The following RTEL1 variants were observed in gnomAD, a reference collection of about 807,000 sequenced individuals.
RTEL1 encodes the protein regulator of telomere length.
In RTEL1, 86 loss-of-function variants were observed where a neutral mutation model predicts 162.2. That is an observed-to-expected ratio of 0.53 (90% CI 0.45 to 0.63). The LOEUF (loss-of-function observed/expected upper bound fraction) is 0.63, where lower values mean the gene tolerates loss of function less well. RTEL1 is among the 30% of genes least tolerant of loss of function. The pLI is 0.00. For missense variants in RTEL1, 1,941 were observed against 1,750.2 expected (o/e 1.11, Z -1.95); for synonymous variants, 958 against 717.9 (o/e 1.33, Z -5.35).
chr20:63,666,345 G>A (rs993068764), intron 7 of RTEL1, among the ~76,000 whole-genome samples: 7 of 152,248 alleles, frequency 4.6e-5, no homozygotes, highest in Non-Finnish European at 7.3e-5. Context: ...GCGGAAGCAC[G>A]CGCAGTTTTG....
rs2090447523 is a variant in RTEL1, at chr20:63,679,921, C to T, written c.1110C>T (p.Asp370=). The T allele has an allele frequency of 1.2e-6, 2 of 1,612,344 alleles. No homozygotes were observed. The highest frequency in any genetic ancestry group is 2.7e-5 in the African/African-American group (2 of 75,030). Reference sequence around the variant, plus strand: ...AGGGCTGCATCCTGGACTCGCTGGACCAGATCATCCAGCACCTGGCAGGAC... The same window carrying T: ...AGGGCTGCATCCTGGACTCGCTGGATCAGATCATCCAGCACCTGGCAGGAC... The part of the protein sequence containing the change: ...QTKGCILDSL[D]QIIQHLAGRA... The change falls in exon 13 of 35, where the codon GAC becomes GAT. Residue 370 remains aspartate, a synonymous_variant. Transcript: ENST00000360203.
chr20:63,694,321 A>C, intron 30 of RTEL1, 51 bp from the exon 31 acceptor site: 30 of 544,570 alleles, frequency 5.5e-5, no homozygotes, highest in Non-Finnish European at 7.7e-5. Context: ...CACCCCAGGG[A>C]ACTTTCCAGA....
chr20:63,689,571 C>T lies in RTEL1; in HGVS notation c.1948C>T (p.Pro650Ser), dbSNP rs768489017. The change falls in exon 23 of 35, where the codon CCA (proline) becomes TCA (serine). Residue 650 changes from proline to serine, a missense_variant. Physicochemically the swap from Pro to Ser is moderately conservative, Grantham distance 74. Transcript: ENST00000360203. Reference sequence around the variant, plus strand: ...GATTGTCACGGGCCTCCCGTACCCCCCACGCATGGACCCCCGGGTTGTCCT... The same window carrying T: ...GATTGTCACGGGCCTCCCGTACCCCTCACGCATGGACCCCCGGGTTGTCCT... ...GVIVTGLPYP[P>S]RMDPRVVLKM... The T allele has an allele frequency of 3.1e-6, 5 of 1,612,256 alleles. No individual in the cohort carries two copies. The Admixed American group carries it at 8.3e-5, about 27-fold the overall frequency.
Position 63,689,056 on chromosome 20 carries a change from C to T in RTEL1, c.1802C>T (p.Thr601Ile), listed in dbSNP as rs948832357. 23 of 1,610,786 alleles carry T rather than the reference C, an allele frequency of 1.4e-5. No individual in the cohort carries two copies. Among genetic ancestry groups the T allele is most frequent in the Non-Finnish European group, 1.9e-5 (22 of 1,179,706 alleles). ...EPRSKGSFSE[T>I]ISAYYARVAA... ...CAGCCTCACCAACTTTCCTTCCAGA[C>T]CATCAGTGCTTACTATGCAAGGGTT... Residue 601 changes from threonine to isoleucine, a missense_variant and splice_region_variant, in exon 22 of 35, where the codon ACC becomes ATC. Thr to Ile is a moderately conservative substitution (Grantham distance 89, BLOSUM62 -1). Transcript: ENST00000360203.
intron 8 of RTEL1, among the ~76,000 whole-genome samples, chr20:63,668,000 GC>G (rs2090170644): frequency 1.4e-5 from 2 of 146,650 alleles, no homozygotes; most frequent in Admixed American, 1.4e-4. Flanking sequence ...TGCATGCCCG[GC>G]CCCACACTCA....
intron 2 of RTEL1, chr20:63,660,684 G>A (rs146688825): frequency 4.5e-4 from 69 of 154,580 alleles, no homozygotes; most frequent in South Asian, 1.2e-3. Flanking sequence ...AGTCCTTGAG[G>A]GTGACAGACT....
At chr20:63,685,657 G>T in intron 15 of RTEL1, 60 bp downstream of exon 15, 1 of 1,591,934 alleles carries the variant, frequency 6.3e-7, no homozygotes, top group Non-Finnish European at 8.5e-7. Flanking sequence ...CAGGGCTGGG[G>T]GCCTTACAGT....
At chr20:63,666,170 T>C in intron 7 of RTEL1, 91 bp downstream of exon 7, 1 of 1,021,550 alleles carries the variant, frequency 9.8e-7, no homozygotes, top group Non-Finnish European at 1.5e-6. Context: ...TCTTCACTTT[T>C]CTTTGTTCCT....
rs190196668 is a variant in RTEL1 at position 63,660,433 on chromosome 20, C to T, written c.103-865C>T. ...TATCGAGACTGGAGAATGGCGATGA[C>T]TTTTACCAAGCATACTGCCTGTAAA... On this transcript the variant is annotated intron_variant, in intron 2 of 34. Coordinates refer to ENST00000360203, the MANE Select transcript of RTEL1 (RefSeq NM_001283009.2). Among the ~76,000 whole-genome samples the T allele has an allele frequency of 1.4e-3, 210 of 152,350 alleles. 2 individuals carry two copies. Among genetic ancestry groups the T allele is most frequent in the Non-Finnish European group, 1.8e-3 (124 of 68,036 alleles).
At chr20:63,672,945 C>T (rs912246992) in intron 9 of RTEL1, among the ~76,000 whole-genome samples, 2 of 152,184 alleles carry the variant, frequency 1.3e-5, no homozygotes, top group African/African-American at 4.8e-5. Context: ...CAGCAGCAGG[C>T]TTGTGGTCTT....
intron 4 of RTEL1, 108 bp downstream of exon 4, chr20:63,662,051 T>C (rs2090030708): frequency 1.1e-6 from 1 of 903,042 alleles, no homozygotes; most frequent in African/African-American, 1.7e-5. Context: ...TGGTGGTCTT[T>C]CTAGACGCTC....
rs1326225116 is a variant in RTEL1 at position 63,695,883 on chromosome 20, C to T, written c.*25C>T. On this transcript the variant is annotated 3_prime_UTR_variant, in exon 35 of 35. Transcript: ENST00000360203. ...AGTGCCCACGGAGGCCCCCAGCACA[C>T]CCAACGTGGCTTGATCACCTGCCTG... The T allele has an allele frequency of 5.8e-6, 9 of 1,556,224 alleles. No homozygotes were observed. The highest frequency in any genetic ancestry group is 7.0e-6 in the Non-Finnish European group (8 of 1,150,864).
intron 27 of RTEL1, 104 bp downstream of exon 27, chr20:63,691,051 T>G: frequency 1.6e-6 from 2 of 1,217,368 alleles, no homozygotes; most frequent in Non-Finnish European, 2.2e-6. Context: ...CCCCTGTAAA[T>G]CCCCTGCCTG....
At chr20:63,678,023 G>A (rs997895091) in intron 10 of RTEL1, 122 bp from the exon 11 acceptor site, 5 of 1,127,932 alleles carry the variant, frequency 4.4e-6, no homozygotes, top group South Asian at 1.3e-5. Flanking sequence ...CATGGATTCT[G>A]TGTGGCCTCT....
At position 63,695,600 on chromosome 20, in the gene RTEL1, C is replaced by A. The variant is rs770640336; in HGVS notation, c.3772C>A (p.Pro1258Thr). 3.1e-6 allele frequency: 5 copies of A among 1,612,016 alleles called. No individual in the cohort carries two copies. The highest frequency in any genetic ancestry group is 4.2e-6 in the Non-Finnish European group (5 of 1,179,916). The part of the protein sequence containing the change: ...GAEDVVPFQC[P>T]ACDFQRCQAC... Reference sequence around the variant, plus strand: ...AGAGGACGTGGTGCCCTTCCAGTGCCCTGCCTGTGACTTCCAGCGCTGCCA... The same window carrying A: ...AGAGGACGTGGTGCCCTTCCAGTGCACTGCCTGTGACTTCCAGCGCTGCCA... Residue 1258 changes from proline (P) to threonine (T), a missense_variant, in exon 34 of 35, where the codon CCT becomes ACT. Coordinates refer to ENST00000360203, the MANE Select transcript of RTEL1 (RefSeq NM_001283009.2).
chr20:63,690,576 C>T (rs1218191767), intron 26 of RTEL1, 135 bp downstream of exon 26: 2 of 1,249,386 alleles, frequency 1.6e-6, no homozygotes, highest in South Asian at 1.6e-5. Context: ...CAAAGGCTGC[C>T]TCTCCCTCCT....
intron 21 of RTEL1, 47 bp from the exon 22 acceptor site, chr20:63,689,008 G>A: frequency 6.5e-7 from 1 of 1,537,318 alleles, no homozygotes; most frequent in Non-Finnish European, 9.0e-7. Flanking sequence ...GGGGAGGAAG[G>A]GGCTGGGGGG....
intron 4 of RTEL1, 167 bp from the exon 5 acceptor site, chr20:63,662,379 C>G (rs967551621): frequency 7.2e-7 from 1 of 1,388,822 alleles, no homozygotes; most frequent in Admixed American, 2.0e-5. Flanking sequence ...TGTCCAGTAC[C>G]CCCGCTCGTC....
At chr20:63,687,519 G>A (rs752543530) in intron 16 of RTEL1, 119 bp from the exon 17 acceptor site, 22 of 1,177,372 alleles carry the variant, frequency 1.9e-5, no homozygotes, top group Non-Finnish European at 2.6e-5. Context: ...CTGGGTGGCT[G>A]CCCGCGGCTC....
Sources: allele counts gnomAD v4.1 joint callset (sites outside exome capture counted in the v4.1 genomes callset), GRCh38; gene constraint gnomAD v4.1.1; transcripts MANE v1.5; gene names NCBI Gene and HGNC (gene_info 2026-07-23, HGNC 2026-07-21).